LRPPRC: variants seen among roughly 807,000 people sequenced by gnomAD.
The protein encoded by LRPPRC is leucine-rich PPR motif-containing protein, mitochondrial.
In LRPPRC, 120 loss-of-function variants were observed where a neutral mutation model predicts 180.3. The observed-to-expected ratio is 0.67, with a 90% CI of 0.57 to 0.77. The LOEUF (loss-of-function observed/expected upper bound fraction) is 0.77, where lower values mean the gene tolerates loss of function less well. Ranked by LOEUF, LRPPRC falls within the 30% of genes least tolerant of loss-of-function variation. The pLI, the probability that LRPPRC is intolerant of heterozygous loss-of-function variation, is 0.00. For missense variants in LRPPRC, 2,012 were observed against 1,657.2 expected (o/e 1.21, Z -3.72); for synonymous variants, 723 against 600.0 (o/e 1.21, Z -3.00).
At chr2:43,930,166 TC>T (rs1052408204) in intron 25 of LRPPRC, among the ~76,000 whole-genome samples, 1 of 151,868 alleles carries the variant, frequency 6.6e-6, no homozygotes, top group African/African-American at 2.4e-5. Flanking sequence ...AGAGAGTTTT[TC>T]CCCCACTGAG....
intron 14 of LRPPRC, among the ~76,000 whole-genome samples, chr2:43,955,899 G>C (rs191078986): frequency 1.3e-5 from 2 of 152,080 alleles, no homozygotes; most frequent in Non-Finnish European, 1.5e-5. Flanking sequence ...GTGGACAAGG[G>C]GCCTCTGCAA....
At chr2:43,931,822 A>G (rs1365473018) in intron 25 of LRPPRC, among the ~76,000 whole-genome samples, 1 of 152,068 alleles carries the variant, frequency 6.6e-6, no homozygotes, top group African/African-American at 2.4e-5. Context: ...AAACCTCCAG[A>G]ATGAAGCTCT....
chr2:43,975,663 A>G (rs960637012), intron 6 of LRPPRC, among the ~76,000 whole-genome samples: 7 of 151,504 alleles, frequency 4.6e-5, no homozygotes, highest in Admixed American at 1.3e-4. Context: ...GCTCACTGCA[A>G]CCTCTGCCTC....
Position 43,957,418 on chromosome 2 carries a change from G to T in LRPPRC, c.1616C>A (p.Ser539Tyr). Residue 539 changes from serine to tyrosine, a missense_variant, in exon 14 of 38, where the codon TCT becomes TAT. Ser to Tyr is a moderately radical substitution (Grantham distance 144). Transcript: ENST00000260665. ...GCCTAGCAGTAGGCTACTTCTTATA[G>T]ACTGCAGCGAGATGGGCAATGTATT... ...KSNTLPISLQ[S>Y]IRSSLLLGFR... 6.2e-7 allele frequency: 1 copy of T among 1,613,480 alleles called. No homozygotes were observed. The highest frequency in any genetic ancestry group is 8.5e-7 in the Non-Finnish European group (1 of 1,179,472).
At chr2:43,939,379 C>T (rs1485798615) in intron 23 of LRPPRC, among the ~76,000 whole-genome samples, 3 of 152,076 alleles carry the variant, frequency 2.0e-5, no homozygotes, top group African/African-American at 7.2e-5. Flanking sequence ...GTACTTTAAA[C>T]TTATACATTG....
chr2:43,973,907 GAA>G lies in LRPPRC; in HGVS notation c.1156-9_1156-8del. On this transcript the variant is annotated splice_polypyrimidine_tract_variant and splice_region_variant and intron_variant, in intron 9 of 37. Coordinates refer to ENST00000260665, the MANE Select transcript of LRPPRC (RefSeq NM_133259.4). ...CTGTTAGCTTCTCCACAGGCTGTGG[GAA>G]AAAAGTCACCACATTAGCTGGATTG... The G allele has an allele frequency of 6.5e-7, 1 of 1,538,138 alleles. No individual in the cohort carries two copies. Among genetic ancestry groups the G allele is most frequent in the East Asian group, 2.2e-5 (1 of 44,482 alleles).
intron 14 of LRPPRC, among the ~76,000 whole-genome samples, chr2:43,952,053 C>T (rs780814549): frequency 2.6e-5 from 4 of 152,034 alleles, no homozygotes; most frequent in East Asian, 1.9e-4. Flanking sequence ...ATTAGCCAGG[C>T]GTGGTGGCGC....
intron 29 of LRPPRC, among the ~76,000 whole-genome samples, chr2:43,917,457 T>G (rs551109699): frequency 6.6e-6 from 1 of 151,554 alleles, no homozygotes; most frequent in Non-Finnish European, 1.5e-5. Flanking sequence ...CATTTCCCTA[T>G]AAGTAAATCA....
In LRPPRC at chr2:43,896,635, T is replaced by A. The variant is rs2104983795; in HGVS notation, c.3899A>T (p.Lys1300Met). ...TTGTAAGCAGGTAAAGCACAGTACC[T>A]TTCCTTGTTTCCTAGAATTCCTAAG... ...FLLRNSRKQG[K>M]ASTVKSVLEL... The change falls in exon 35 of 38, where the codon AAG (lysine) becomes ATG (methionine). Residue 1300 changes from lysine to methionine, a missense_variant and splice_region_variant. By Grantham distance (95) the Lys-to-Met change is moderately conservative. Transcript: ENST00000260665. The A allele has an allele frequency of 6.2e-7, 1 of 1,602,902 alleles. No individual in the cohort carries two copies. The highest frequency in any genetic ancestry group is 8.5e-7 in the Non-Finnish European group (1 of 1,170,070).
In LRPPRC at chr2:43,960,631, T is replaced by A; in HGVS notation, c.1492A>T (p.Asn498Tyr). The part of the protein sequence containing the change: ...VNSARAILQE[N>Y]GCLSDSDMFS... ...ATATCACTATCAGACAGACATCCAT[T>A]TTCCTGGAGATAAAGCATATATCAA... The change falls in exon 13 of 38, where the codon AAT becomes TAT. Residue 498 changes from asparagine (N) to tyrosine (Y), a missense_variant. Coordinates refer to ENST00000260665, the MANE Select transcript of LRPPRC (RefSeq NM_133259.4). 1 of 1,543,810 alleles carries A rather than the reference T, an allele frequency of 6.5e-7. No individual in the cohort carries two copies. The highest frequency in any genetic ancestry group is 8.9e-7 in the Non-Finnish European group (1 of 1,118,190).
chr2:43,995,643 C>T, intron 1 of LRPPRC, 156 bp downstream of exon 1: 1 of 689,120 alleles, frequency 1.5e-6, no homozygotes, highest in East Asian at 3.5e-5. Context: ...ACCCGAAAAC[C>T]CCTGGTAGGG....
intron 25 of LRPPRC, among the ~76,000 whole-genome samples, chr2:43,932,460 A>C (rs1322024463): frequency 6.6e-6 from 1 of 152,118 alleles, no homozygotes; most frequent in East Asian, 1.9e-4. Flanking sequence ...TTCACCCTTT[A>C]AAAAATTTTG....
At chr2:43,994,340 C>A (rs191844344) in intron 1 of LRPPRC, among the ~76,000 whole-genome samples, 1 of 152,104 alleles carries the variant, frequency 6.6e-6, no homozygotes, top group Non-Finnish European at 1.5e-5. Flanking sequence ...AATTTTATGG[C>A]GAGATTAGGT....
intron 1 of LRPPRC, 72 bp downstream of exon 1, chr2:43,995,726 TC>T: frequency 7.7e-7 from 1 of 1,293,426 alleles, no homozygotes; most frequent in South Asian, 2.0e-5. Context: ...CAGGACCCGG[TC>T]CCTGCCGGCA....
chr2:43,977,980 T>C (rs542194370), intron 3 of LRPPRC, among the ~76,000 whole-genome samples: 45 of 152,262 alleles, frequency 3.0e-4, no homozygotes, highest in African/African-American at 1.1e-3. Context: ...GGTTAGTATC[T>C]GGGGGTGAGA....
Position 43,947,367 on chromosome 2 carries a change from C to G in LRPPRC, c.1969G>C (p.Val657Leu). 1.3e-6 allele frequency: 2 copies of G among 1,507,188 alleles called. No homozygotes were observed. The highest frequency in any genetic ancestry group is 1.8e-6 in the Non-Finnish European group (2 of 1,084,030). The allele number at this position is 1,507,188 out of a possible 1,614,324, so 93.4% of individuals were successfully genotyped here. ...TCCAATTCAGATGATGTAAGTTGCACAGTCTACAGAAAAGAAAAAAGAAAA... is the reference window on the plus strand; with the variant it reads ...TCCAATTCAGATGATGTAAGTTGCAGAGTCTACAGAAAAGAAAAAAGAAAA... ...ESKNLDFQKTVQLTSSELEST... is the reference protein window; with the variant it reads ...ESKNLDFQKTLQLTSSELEST... The change falls in exon 20 of 38, where the codon GTG (valine) becomes CTG (leucine). Residue 657 changes from valine to leucine, a missense_variant. By Grantham distance (32) the Val-to-Leu change is conservative. Coordinates refer to ENST00000260665, the MANE Select transcript of LRPPRC (RefSeq NM_133259.4).
At chr2:43,930,956 A>G (rs749508896) in intron 25 of LRPPRC, among the ~76,000 whole-genome samples, 39 of 152,308 alleles carry the variant, frequency 2.6e-4, no homozygotes, top group Non-Finnish European at 4.9e-4. Context: ...CCAGGAAGAC[A>G]GTGTTGCAGA....
chr2:43,974,900 C>T (rs1313808105), intron 7 of LRPPRC, 142 bp from the exon 8 acceptor site: 1 of 973,460 alleles, frequency 1.0e-6, no homozygotes, highest in Non-Finnish European at 1.6e-6. Flanking sequence ...ACAGGAAATA[C>T]TCTACTTCAA....
At chr2:43,949,404 T>A (rs924701702) in intron 16 of LRPPRC, among the ~76,000 whole-genome samples, 198 bp downstream of exon 16, 3 of 152,196 alleles carry the variant, frequency 2.0e-5, no homozygotes, top group African/African-American at 7.2e-5. Context: ...CCCAACCCTG[T>A]CTTTAGAAAA....
Sources: allele counts gnomAD v4.1 joint callset (sites outside exome capture counted in the v4.1 genomes callset), GRCh38; gene constraint gnomAD v4.1.1; transcripts MANE v1.5; gene names NCBI Gene and HGNC (gene_info 2026-07-23, HGNC 2026-07-21).